FREM1: variants seen among roughly 807,000 people sequenced by gnomAD.
FREM1 encodes FRAS1-related extracellular matrix protein 1.
A neutral mutation model predicts 210.1 loss-of-function variants in FREM1; 220 were observed. The observed-to-expected ratio is 1.05, with a 90% CI of 0.94 to 1.17. FREM1 has a LOEUF of 1.17. Among genes scored for constraint, FREM1 ranks in the 50% most tolerant of loss-of-function variants. The pLI is 0.00. For synonymous variants in FREM1, 1,189 were observed against 980.2 expected (o/e 1.21, Z -3.98); for missense variants, 3,454 against 2,675.5 (o/e 1.29, Z -6.42).
At chr9:14,813,132 C>T (rs1357062941) in intron 15 of FREM1, 68 bp from the exon 16 acceptor site, 2 of 1,477,986 alleles carry the variant, frequency 1.4e-6, no homozygotes, top group East Asian at 4.6e-5. Context: ...ACAGGTAATC[C>T]ATTGCTCATA....
intron 1 of FREM1, among the ~76,000 whole-genome samples, chr9:14,885,586 T>C (rs1473656265): frequency 5.3e-5 from 8 of 152,128 alleles, no homozygotes; most frequent in Admixed American, 6.5e-5. Context: ...ATCTGGCTAA[T>C]TGTTTTTTAA....
intron 29 of FREM1, among the ~76,000 whole-genome samples, chr9:14,752,667 A>C (rs1193893290): frequency 6.6e-6 from 1 of 152,228 alleles, no homozygotes; most frequent in Non-Finnish European, 1.5e-5. Context: ...GCATGAAAAG[A>C]TAAGAGGTGG....
intron 29 of FREM1, among the ~76,000 whole-genome samples, chr9:14,752,908 G>A (rs917012597): frequency 5.9e-5 from 9 of 152,104 alleles, no homozygotes; most frequent in Admixed American, 3.9e-4. Context: ...TGGACCTTAC[G>A]GAGTAGAACC....
At chr9:14,750,364 G>A (rs1267017886) in intron 29 of FREM1, 88 bp from the exon 30 acceptor site, 2 of 1,042,812 alleles carry the variant, frequency 1.9e-6, no homozygotes, top group African/African-American at 1.6e-5. Context: ...CATGTCTACA[G>A]CTAGACTGCA....
At chr9:14,783,819 G>A (rs1200014651) in intron 24 of FREM1, among the ~76,000 whole-genome samples, 2 of 152,094 alleles carry the variant, frequency 1.3e-5, no homozygotes, top group African/African-American at 4.8e-5. Flanking sequence ...TGTTTCTATG[G>A]GGAAATATGA....
intron 1 of FREM1, among the ~76,000 whole-genome samples, chr9:14,885,588 G>GC (rs1835666838): frequency 6.6e-6 from 1 of 152,006 alleles, no homozygotes; most frequent in African/African-American, 2.4e-5. Flanking sequence ...CTGGCTAATT[G>GC]TTTTTTAATT....
At chr9:14,761,463 A>C (rs1845481424) in intron 27 of FREM1, among the ~76,000 whole-genome samples, 1 of 152,198 alleles carries the variant, frequency 6.6e-6, no homozygotes, top group Non-Finnish European at 1.5e-5. Flanking sequence ...TGTATTAAAA[A>C]AATTGGAAAC....
In FREM1 at chr9:14,821,683, C is replaced by G. The variant is rs185980378; in HGVS notation, c.2337+1477G>C. Among the ~76,000 whole-genome samples, 302 of 152,250 alleles carry G rather than the reference C, an allele frequency of 2.0e-3. 1 individual carries two copies. Among genetic ancestry groups the G allele is most frequent in the African/African-American group, 6.8e-3 (281 of 41,540 alleles). ...TTGGCAGGTTTTCTACCAAAGATGG[C>G]AAGTCCACAGGTGTGGGAGGTCAGG... On this transcript the variant is annotated intron_variant, in intron 13 of 36. Transcript: ENST00000380880.
chr9:14,772,707 A>G (rs1847802115), intron 25 of FREM1, among the ~76,000 whole-genome samples: 1 of 152,186 alleles, frequency 6.6e-6, no homozygotes, highest in Non-Finnish European at 1.5e-5. Flanking sequence ...GAGATTGGGT[A>G]TTAAATTGTC....
chr9:14,884,810 T>C (rs1173849025), intron 1 of FREM1, among the ~76,000 whole-genome samples: 3 of 152,128 alleles, frequency 2.0e-5, no homozygotes, highest in Non-Finnish European at 4.4e-5. Context: ...ATATTTACTA[T>C]TCTTCCTCTC....
chr9:14,838,224 T>A (rs558062295), intron 10 of FREM1, among the ~76,000 whole-genome samples: 42 of 152,298 alleles, frequency 2.8e-4, no homozygotes, highest in African/African-American at 1.0e-3. Context: ...TGTACTTCCA[T>A]TACAACGTCA....
chr9:14,848,722 C>G lies in FREM1; in HGVS notation c.1204G>C (p.Val402Leu). Residue 402 changes from valine to leucine, a missense_variant, in exon 7 of 37, where the codon GTC becomes CTC. Physicochemically the swap from Val to Leu is conservative, Grantham distance 32 (BLOSUM62 1). Transcript: ENST00000380880. ...TCTGCTGTTCTGATGGAGATGTGGA[C>G]TGTCATAGGTGCACTCCTTTCAAAG... is the stretch of plus-strand genomic sequence containing the variant. ...FFFERSAPMT[V>L]HISIRTADTN... 6.2e-7 allele frequency: 1 copy of G among 1,613,152 alleles called. No individual in the cohort carries two copies. The highest frequency in any genetic ancestry group is 8.5e-7 in the Non-Finnish European group (1 of 1,179,262).
Position 14,841,523 on chromosome 9 carries a change from C to A in FREM1, c.1805G>T (p.Gly602Val). 1.2e-6 allele frequency: 2 copies of A among 1,612,094 alleles called. No homozygotes were observed. The highest frequency in any genetic ancestry group is 2.7e-5 in the African/African-American group (2 of 75,026). Residue 602 changes from glycine (G) to valine (V), a missense_variant, in exon 10 of 37, where the codon GGT becomes GTT. By Grantham distance (109) the Gly-to-Val change is moderately radical. Transcript: ENST00000380880. ...AAAAGAATCTTCAAAGATTTCTCCA[C>A]CAAAATGACGATAATAAATGATTCC... ...FNGIIYYRHF[G>V]GEIFEDSFQF... is the part of the protein sequence containing the mutation.
intron 11 of FREM1, 91 bp downstream of exon 11, chr9:14,824,705 A>G (rs1588188627): frequency 2.3e-6 from 2 of 868,232 alleles, no homozygotes; most frequent in South Asian, 1.7e-5. Context: ...CAAGTAAACC[A>G]CAGTACTATA....
At chr9:14,841,087 T>A (rs1432688711) in intron 10 of FREM1, among the ~76,000 whole-genome samples, 2 of 152,216 alleles carry the variant, frequency 1.3e-5, no homozygotes, top group African/African-American at 4.8e-5. Flanking sequence ...TCAGTCAGTG[T>A]CAAGATCAAG....
chr9:14,891,153 A>C (rs563054974), intron 1 of FREM1, among the ~76,000 whole-genome samples: 7 of 152,302 alleles, frequency 4.6e-5, no homozygotes, highest in African/African-American at 1.2e-4. Context: ...CAACAGAACA[A>C]CACCAAACTG....
rs374635318 is a variant in FREM1 at position 14,812,948 on chromosome 9, C to G, written c.2757G>C (p.Val919=). The G allele has an allele frequency of 1.8e-5, 29 of 1,613,794 alleles. No individual in the cohort carries two copies. The highest frequency in any genetic ancestry group is 2.3e-5 in the Non-Finnish European group (27 of 1,179,862). The change falls in exon 16 of 37, where the codon GTG becomes GTC. Residue 919 remains valine, a synonymous_variant. Coordinates refer to ENST00000380880, the MANE Select transcript of FREM1 (RefSeq NM_001379081.2). ...ITSEYIFATD[V]DSDNLKLMFV... ...ACATCAACTTCAAGTTATCGCTGTC[C>G]ACATCAGTAGCAAAAATGTATTCAG... is the stretch of plus-strand genomic sequence containing the variant.
At chr9:14,765,170 T>C (rs1248358883) in intron 27 of FREM1, among the ~76,000 whole-genome samples, 1 of 152,236 alleles carries the variant, frequency 6.6e-6, no homozygotes, top group African/African-American at 2.4e-5. Context: ...TTTTTTCAAG[T>C]ATCCAATCTA....
chr9:14,738,188 A>C (rs752009358), intron 36 of FREM1, among the ~76,000 whole-genome samples: 2 of 152,178 alleles, frequency 1.3e-5, no homozygotes, highest in Non-Finnish European at 2.9e-5. Flanking sequence ...AAATTTTGCA[A>C]ATTACACTTT....
Sources: allele counts gnomAD v4.1 joint callset (sites outside exome capture counted in the v4.1 genomes callset), GRCh38; gene constraint gnomAD v4.1.1; transcripts MANE v1.5; gene names NCBI Gene and HGNC (gene_info 2026-07-23, HGNC 2026-07-21).